The following ZNRF3 variants were observed in gnomAD, a reference collection of about 807,000 sequenced individuals.
The protein encoded by ZNRF3 is E3 ubiquitin-protein ligase ZNRF3.
A neutral mutation model predicts 72.5 loss-of-function variants in ZNRF3; 23 were observed. The ratio of observed to expected loss-of-function variants is 0.32; its 90% CI spans 0.23 to 0.45. The LOEUF is 0.45. ZNRF3 is among the 20% of genes least tolerant of loss of function. The pLI is 1.00. For missense variants in ZNRF3, 1,169 were observed against 1,272.1 expected (o/e 0.92, Z 1.23); for synonymous variants, 610 against 545.3 (o/e 1.12, Z -1.65).
chr22:28,965,931 TA>T (rs2035451193), intron 1 of ZNRF3, among the ~76,000 whole-genome samples: 1 of 152,142 alleles, frequency 6.6e-6, no homozygotes, highest in South Asian at 2.1e-4. Context: ...GAGAGAGAAA[TA>T]CTATTTTTCA....
intron 1 of ZNRF3, among the ~76,000 whole-genome samples, chr22:28,963,630 G>T (rs1227701974): frequency 6.6e-6 from 1 of 152,166 alleles, no homozygotes; most frequent in African/African-American, 2.4e-5. Context: ...TGGGGGTTTT[G>T]GGAGGATTAA....
Position 28,883,868 on chromosome 22 carries a change from G to T in ZNRF3, c.102G>T (p.Pro34=), listed in dbSNP as rs1350876073. ...TCCGGTGCAGCCGCCTGCCGCCGCC[G>T]CCGCCGCTGCCGCTGCTGCTCGGGC... ...RGLRCSRLPP[P]PPLPLLLGLL... The change falls in exon 1 of 9, where the codon CCG becomes CCT. Residue 34 remains proline (P), a synonymous_variant. Transcript: ENST00000544604. The surrounding 1 kb of genome is among the most constrained non-coding windows in gnomAD (Gnocchi z 5.5). 35 of 1,007,392 alleles carry T rather than the reference G, an allele frequency of 3.5e-5. 1 individual carries two copies. The East Asian group carries it at 1.5e-3, about 44-fold the overall frequency. 62.4% of individuals were successfully genotyped at this position (1,007,392 alleles called of 1,614,324 possible).
At position 29,050,207 on chromosome 22, in the gene ZNRF3, A is replaced by G; in HGVS notation, c.2026A>G (p.Arg676Gly). 1 of 1,600,632 alleles carries G rather than the reference A, an allele frequency of 6.2e-7. No individual in the cohort carries two copies. Among genetic ancestry groups the G allele is most frequent in the Non-Finnish European group, 8.5e-7 (1 of 1,179,850 alleles). The change falls in exon 8 of 9, where the codon AGG (arginine) becomes GGG (glycine). Residue 676 changes from arginine to glycine, a missense_variant. Physicochemically the swap from Arg to Gly is moderately radical, Grantham distance 125 (BLOSUM62 -2). Around this residue, in one of 2 missense-constraint regions of ZNRF3, gnomAD observed 783 missense variants for 731.4 expected, o/e 1.07. Transcript: ENST00000544604. The part of the protein sequence containing the change: ...NYSSNSSLEH[R>G]GPNSSTSEVG... The stretch of plus-strand genomic sequence containing the variant: ...CAGCAGCAACTCCTCCCTGGAGCAC[A>G]GGGGGCCCAATAGCTCTACCTCAGA...
chr22:28,888,018 A>G (rs2033822308), intron 1 of ZNRF3, among the ~76,000 whole-genome samples: 1 of 152,114 alleles, frequency 6.6e-6, no homozygotes, highest in Non-Finnish European at 1.5e-5. Flanking sequence ...ATTCATTTGT[A>G]GAAGGAATCT....
chr22:28,949,755 T>C (rs1313246409), intron 1 of ZNRF3, among the ~76,000 whole-genome samples: 1 of 152,246 alleles, frequency 6.6e-6, no homozygotes, highest in African/African-American at 2.4e-5. Context: ...TCATTCCTTT[T>C]TGAGAAAATG....
chr22:28,962,915 G>GTGGC (rs2035390666), intron 1 of ZNRF3, among the ~76,000 whole-genome samples: 1 of 152,146 alleles, frequency 6.6e-6, no homozygotes, highest in Non-Finnish European at 1.5e-5. Flanking sequence ...TTTATGCACA[G>GTGGC]TGGCTTGTAC....
intron 1 of ZNRF3, among the ~76,000 whole-genome samples, chr22:28,972,292 TC>T (rs1285282838): frequency 6.6e-6 from 1 of 152,134 alleles, no homozygotes; most frequent in Non-Finnish European, 1.5e-5. Context: ...TTCTTCTACC[TC>T]CCCAGTGCTA....
At position 28,938,555 on chromosome 22, in the gene ZNRF3, G is replaced by A. The variant is rs148776247; in HGVS notation, c.301-48521G>A. Among the ~76,000 whole-genome samples, 36 of 152,250 alleles carry A rather than the reference G, an allele frequency of 2.4e-4. No individual in the cohort carries two copies. In the East Asian group the frequency reaches 7.0e-3, roughly 29 times the overall value. ...AGATGAGGAAACTGAGGGTCAGGGAGGTTAAGTGAGCAAAAACTTTTGACG... is the reference window on the plus strand; with the variant it reads ...AGATGAGGAAACTGAGGGTCAGGGAAGTTAAGTGAGCAAAAACTTTTGACG... On this transcript the variant is annotated intron_variant, in intron 1 of 8. Coordinates refer to ENST00000544604, the MANE Select transcript of ZNRF3 (RefSeq NM_001206998.2).
chr22:28,934,453 GAAGT>G (rs2034783366), intron 1 of ZNRF3, among the ~76,000 whole-genome samples: 2 of 152,142 alleles, frequency 1.3e-5, no homozygotes, highest in South Asian at 2.1e-4. Context: ...CCTGAATGTT[GAAGT>G]AAGAAAGAAA....
At chr22:28,914,507 T>C (rs1007135059) in intron 1 of ZNRF3, among the ~76,000 whole-genome samples, 1 of 151,506 alleles carries the variant, frequency 6.6e-6, no homozygotes, top group East Asian at 1.9e-4. Context: ...TTTTTTTTTT[T>C]TTTTTTTTAA....
At chr22:28,995,708 A>G (rs547663111) in intron 2 of ZNRF3, among the ~76,000 whole-genome samples, 3 of 152,220 alleles carry the variant, frequency 2.0e-5, no homozygotes, top group South Asian at 4.1e-4. Flanking sequence ...AGCAGTTCTC[A>G]AAGTGTGGCT....
At chr22:28,909,793 A>G (rs1184213046) in intron 1 of ZNRF3, among the ~76,000 whole-genome samples, 3 of 130,524 alleles carry the variant, frequency 2.3e-5, no homozygotes, top group Non-Finnish European at 1.6e-5. Context: ...GGGTTCTACC[A>G]TGTTGCTCAG....
At chr22:28,922,765 G>A (rs997701016) in intron 1 of ZNRF3, among the ~76,000 whole-genome samples, 4 of 152,170 alleles carry the variant, frequency 2.6e-5, no homozygotes, top group African/African-American at 7.2e-5. Context: ...ACTCTTTTGT[G>A]CCCGATCTAT....
intron 2 of ZNRF3, among the ~76,000 whole-genome samples, chr22:28,994,172 C>CTGTCTTT (rs1569274127): frequency 2.5e-5 from 2 of 78,766 alleles, no homozygotes; most frequent in Non-Finnish European, 4.9e-5. Context: ...CCTTCAGTTC[C>CTGTCTTT]TTTCTTTTTT....
At chr22:28,902,670 C>T (rs1334299711) in intron 1 of ZNRF3, among the ~76,000 whole-genome samples, 1 of 152,176 alleles carries the variant, frequency 6.6e-6, no homozygotes, top group Non-Finnish European at 1.5e-5. Context: ...TGAATCCTGG[C>T]TTTGGCAGTT....
rs139737206 is a variant in ZNRF3, at chr22:28,947,913, C to T, written c.301-39163C>T. Among the ~76,000 whole-genome samples the T allele has an allele frequency of 4.1e-3, 622 of 151,532 alleles. 8 individuals are homozygous for T. Among genetic ancestry groups the T allele is most frequent in the African/African-American group, 0.014 (572 of 41,260 alleles). On this transcript the variant is annotated intron_variant, in intron 1 of 8. Transcript: ENST00000544604. ...AGGTTGGAGTGCAGTGGCGTGATCTCGACTCACTGCAATCTCCGCCTCCTG... is the reference window on the plus strand; with the variant it reads ...AGGTTGGAGTGCAGTGGCGTGATCTTGACTCACTGCAATCTCCGCCTCCTG...
intron 1 of ZNRF3, among the ~76,000 whole-genome samples, chr22:28,894,233 T>C (rs1231302148): frequency 2.0e-5 from 3 of 151,962 alleles, no homozygotes; most frequent in Admixed American, 6.6e-5. Flanking sequence ...GCTGAGACTA[T>C]AGGCGTGAGC....
intron 1 of ZNRF3, among the ~76,000 whole-genome samples, chr22:28,968,448 AC>A (rs1200955681): frequency 3.9e-5 from 6 of 152,102 alleles, no homozygotes; most frequent in Non-Finnish European, 7.4e-5. Flanking sequence ...GGTGGCTCAA[AC>A]CTGTAATCCC....
chr22:29,020,184 T>C (rs2036505542), intron 2 of ZNRF3, among the ~76,000 whole-genome samples: 1 of 151,228 alleles, frequency 6.6e-6, no homozygotes, highest in African/African-American at 2.4e-5. Context: ...ATAGTTGTTA[T>C]AATGCATGGT....
Sources: allele counts gnomAD v4.1 joint callset (sites outside exome capture counted in the v4.1 genomes callset), GRCh38; gene constraint gnomAD v4.1.1; regional missense constraint gnomAD v4.1.1; non-coding constraint Gnocchi (gnomAD v3.1); transcripts MANE v1.5; gene names NCBI Gene and HGNC (gene_info 2026-07-23, HGNC 2026-07-21).